Variants in SWAP70 observed in about 807,000 individuals in gnomAD.
SWAP70 encodes the protein switching B cell complex subunit SWAP70, also known as switch-associated protein 70.
A neutral mutation model predicts 80.2 loss-of-function variants in SWAP70; 34 were observed. The observed-to-expected ratio is 0.42, with a 90% CI of 0.32 to 0.56. SWAP70 has a LOEUF of 0.56. SWAP70 is among the 20% of genes least tolerant of loss of function. SWAP70 has a pLI of 0.09. For synonymous variants in SWAP70, 239 were observed against 238.5 expected (o/e 1.00, Z -0.02); for missense variants, 578 against 690.7 (o/e 0.84, Z 1.83).
At chr11:9,725,556 TATATATATATA>T (rs1382709178) in intron 4 of SWAP70, among the ~76,000 whole-genome samples, 18 of 11,384 alleles carry the variant, frequency 1.6e-3, no homozygotes, top group South Asian at 5.2e-3. Flanking sequence ...TATATATATA[TATATATATATA>T]TATTTTTTTT....
Position 9,688,396 on chromosome 11 carries a change from G to A in SWAP70, c.100-5750G>A, listed in dbSNP as rs532336563. Among the ~76,000 whole-genome samples the A allele has an allele frequency of 3.3e-5, 5 of 152,300 alleles. No individual in the cohort carries two copies. The East Asian group carries it at 9.6e-4, about 29-fold the overall frequency. ...GTTTGGGTGGTGAAGGCTTCAGAAAGAGATGCCATTTTTGTTAGGCAGGAA... is the reference window on the plus strand; with the variant it reads ...GTTTGGGTGGTGAAGGCTTCAGAAAAAGATGCCATTTTTGTTAGGCAGGAA... On this transcript the variant is annotated intron_variant, in intron 1 of 11. Coordinates refer to ENST00000318950, the MANE Select transcript of SWAP70 (RefSeq NM_015055.4).
rs1851533785 is a variant in SWAP70, at chr11:9,747,984, G to A, written c.1482G>A (p.Gln494=). The A allele has an allele frequency of 6.2e-7, 1 of 1,614,020 alleles. No individual in the cohort carries two copies. The highest frequency in any genetic ancestry group is 1.1e-5 in the South Asian group (1 of 91,084). ...ELENQRVLKE[Q]ALQEAMEQLE... is the part of the protein sequence containing the mutation. The stretch of plus-strand genomic sequence containing the variant: ...AGAATCAGCGTGTCCTGAAGGAACA[G>A]GCCCTGCAGGAGGCCATGGAGCAGC... Residue 494 remains glutamine (Q), a synonymous_variant, in exon 10 of 12, where the codon CAG becomes CAA. Transcript: ENST00000318950.
At chr11:9,675,052 CTTT>C (rs200214898) in intron 1 of SWAP70, among the ~76,000 whole-genome samples, 2,160 of 152,120 alleles carry the variant, frequency 0.014, 51 homozygotes, top group African/African-American at 0.048. Flanking sequence ...AATACTAGCA[CTTT>C]TGGAGATTGA....
chr11:9,706,016 CTG>C (rs1850906066), intron 2 of SWAP70, among the ~76,000 whole-genome samples: 1 of 17,170 alleles, frequency 5.8e-5, no homozygotes, highest in Non-Finnish European at 1.6e-4. Flanking sequence ...CACTGGTGAT[CTG>C]TGTATACTTG....
chr11:9,697,403 C>T (rs933118632), intron 2 of SWAP70, among the ~76,000 whole-genome samples: 11 of 151,916 alleles, frequency 7.2e-5, no homozygotes, highest in African/African-American at 2.7e-4. Flanking sequence ...CTGGCTTAGC[C>T]TCCTGAGTAG....
rs1378033492 is a variant in SWAP70 at position 9,749,773 on chromosome 11, G to T, written c.1652-91G>T. 10 of 765,396 alleles carry T rather than the reference G, an allele frequency of 1.3e-5. No homozygotes were observed. The African/African-American group carries it at 1.7e-4, about 13-fold the overall frequency. The allele number at this position is 765,396 out of a possible 1,614,324, so 47.4% of individuals were successfully genotyped here. A position where few individuals can be genotyped will look rare whatever the true frequency, so the allele number is the denominator to read the frequency against. ...GCATGTTCCTCAAAGAAGAAATAAA[G>T]TAGGGAAGTTACTATTTTGTCTGTA... On this transcript the variant is annotated intron_variant, in intron 11 of 11. Transcript: ENST00000318950.
Position 9,669,269 on chromosome 11 carries a change from A to G in SWAP70, c.99+4991A>G, listed in dbSNP as rs530700744. Among the ~76,000 whole-genome samples the G allele has an allele frequency of 4.6e-5, 7 of 152,234 alleles. No individual in the cohort carries two copies. In the South Asian group the frequency reaches 1.5e-3, roughly 32 times the overall value. ...TTAATTAATTACTTAGTTTTTTGAG[A>G]CGGAGTCTTGCTCTGTTGCCCAGGG... On this transcript the variant is annotated intron_variant, in intron 1 of 11. Coordinates refer to ENST00000318950, the MANE Select transcript of SWAP70 (RefSeq NM_015055.4).
intron 3 of SWAP70, chr11:9,720,299 G>T: frequency 1.0e-6 from 1 of 985,388 alleles, no homozygotes; most frequent in Non-Finnish European, 1.2e-6. Flanking sequence ...ATCGAAGCTG[G>T]GTGCTAATGA....
intron 1 of SWAP70, among the ~76,000 whole-genome samples, chr11:9,676,340 A>G (rs1228510542): frequency 6.6e-6 from 1 of 152,052 alleles, no homozygotes; most frequent in African/African-American, 2.4e-5. Flanking sequence ...CATTTTTTCC[A>G]CCATTTTTCC....
At chr11:9,666,442 A>G (rs1850307978) in intron 1 of SWAP70, among the ~76,000 whole-genome samples, 2 of 151,900 alleles carry the variant, frequency 1.3e-5, no homozygotes, top group South Asian at 4.2e-4. Context: ...TTTTTTTAGT[A>G]CTTGCTCTAG....
chr11:9,669,782 A>C (rs187686040), intron 1 of SWAP70, among the ~76,000 whole-genome samples: 1 of 152,246 alleles, frequency 6.6e-6, no homozygotes, highest in Non-Finnish European at 1.5e-5. Context: ...GGTGTATGCC[A>C]GGGGCCCCCC....
intron 9 of SWAP70, among the ~76,000 whole-genome samples, chr11:9,747,177 A>G (rs941379907): frequency 3.3e-5 from 5 of 152,228 alleles, no homozygotes; most frequent in African/African-American, 1.2e-4. Context: ...GACCTGGGTT[A>G]AAATCCATTA....
rs780086147 is a variant in SWAP70, at chr11:9,749,052, G to C, written c.1555-35G>C. On this transcript the variant is annotated intron_variant, in intron 10 of 11. Transcript: ENST00000318950. ...GTGATTTGGTTCTTAAACTACCCGT[G>C]TGTCTGCATAGTCCAAAATCCACTT... 5.6e-5 allele frequency: 80 copies of C among 1,421,258 alleles called. No homozygotes were observed. In the South Asian group the frequency reaches 9.0e-4, roughly 16 times the overall value. The allele number at this position is 1,421,258 out of a possible 1,614,324, so 88.0% of individuals were successfully genotyped here.
At chr11:9,665,177 A>G (rs1041706394) in intron 1 of SWAP70, among the ~76,000 whole-genome samples, 33 of 152,270 alleles carry the variant, frequency 2.2e-4, no homozygotes, top group Admixed American at 5.9e-4. Context: ...TTAGATCCGA[A>G]TGTCCGGTTT....
intron 1 of SWAP70, among the ~76,000 whole-genome samples, chr11:9,691,315 G>A (rs1443534616): frequency 6.6e-6 from 1 of 152,198 alleles, no homozygotes; most frequent in East Asian, 1.9e-4. Flanking sequence ...ATTATGAAAT[G>A]AGTTTGGGTT....
intron 2 of SWAP70, among the ~76,000 whole-genome samples, chr11:9,709,175 G>A (rs1850962150): frequency 6.6e-6 from 1 of 151,826 alleles, no homozygotes; most frequent in African/African-American, 2.4e-5. Flanking sequence ...CCAGGCTGGA[G>A]TGCAGCAGCA....
chr11:9,702,315 C>T (rs1850842962), intron 2 of SWAP70, among the ~76,000 whole-genome samples: 1 of 152,166 alleles, frequency 6.6e-6, no homozygotes. Context: ...AACACCCAAA[C>T]CCGTGCTTTC....
intron 2 of SWAP70, among the ~76,000 whole-genome samples, chr11:9,702,958 T>G (rs991278317): frequency 5.3e-5 from 8 of 152,184 alleles, no homozygotes; most frequent in Non-Finnish European, 7.3e-5. Context: ...TACCATACAA[T>G]TAGTCTATTT....
intron 8 of SWAP70, 77 bp from the exon 9 acceptor site, chr11:9,740,104 A>G: frequency 7.2e-7 from 1 of 1,392,326 alleles, no homozygotes; most frequent in Non-Finnish European, 9.9e-7. Context: ...GCTGTGGGCA[A>G]CCCCTCAGGT....
Sources: allele counts gnomAD v4.1 joint callset (sites outside exome capture counted in the v4.1 genomes callset), GRCh38; gene constraint gnomAD v4.1.1; transcripts MANE v1.5; gene names NCBI Gene and HGNC (gene_info 2026-07-23, HGNC 2026-07-21).